C19orf81: variants seen among roughly 807,000 people sequenced by gnomAD.
C19orf81 encodes the protein chromosome 19 open reading frame 81.
In C19orf81, 19 loss-of-function variants were observed where a neutral mutation model predicts 22.1. That is an observed-to-expected ratio of 0.86 (90% confidence interval 0.60 to 1.26). The LOEUF (loss-of-function observed/expected upper bound fraction) is 1.26. Ranked by LOEUF, C19orf81 falls within the 50% of genes most tolerant of loss-of-function variation. The pLI is 0.00. For missense variants in C19orf81, 287 were observed against 280.7 expected, an observed-to-expected ratio of 1.02 and a Z score of -0.16; for synonymous variants, 108 against 113.1, an observed-to-expected ratio of 0.95 and a Z score of 0.29.
At chr19:50,652,124 T>TA (rs1269754576) in intron 1 of C19orf81, among the ~76,000 whole-genome samples, 2 of 152,184 alleles carry the variant, frequency 1.3e-5, no homozygotes, top group Non-Finnish European at 2.9e-5. Flanking sequence ...GCCGGGATGA[T>TA]AGGTGTGAAC....
chr19:50,658,427 G>A, intron 4 of C19orf81: 1 of 363,734 alleles, frequency 2.7e-6, no homozygotes, highest in Non-Finnish European at 5.0e-6. Context: ...CGAGATTGGT[G>A]CAGAGCCACT....
In C19orf81 at chr19:50,649,474, C is replaced by G; in HGVS notation, c.30C>G (p.Phe10Leu). 6.5e-7 allele frequency: 1 copy of G among 1,536,270 alleles called. No homozygotes were observed. Among genetic ancestry groups the G allele is most frequent in the Non-Finnish European group, 8.7e-7 (1 of 1,146,876 alleles). ...AGCCAGAGGTGGAGCCCGTGTGCTTCCCTGCCATGGGCAGCCCCACCATGC... is the reference window on the plus strand; with the variant it reads ...AGCCAGAGGTGGAGCCCGTGTGCTTGCCTGCCATGGGCAGCCCCACCATGC... MQPEVEPVC[F>L]PAMGSPTMHR... The change falls in exon 1 of 5, where the codon TTC becomes TTG. Residue 10 changes from phenylalanine to leucine, a missense_variant. Coordinates refer to ENST00000425202, the MANE Select transcript of C19orf81 (RefSeq NM_001195076.2).
At chr19:50,658,228 G>A (rs1446605400) in intron 4 of C19orf81, 100 bp downstream of exon 4, 2 of 1,251,594 alleles carry the variant, frequency 1.6e-6, no homozygotes, top group Non-Finnish European at 2.2e-6. Flanking sequence ...TGAGGGACGT[G>A]GCCAAGAGTG....
chr19:50,650,777 G>A (rs138710396), intron 1 of C19orf81, among the ~76,000 whole-genome samples: 61 of 152,340 alleles, frequency 4.0e-4, no homozygotes, highest in African/African-American at 1.4e-3. Context: ...CTTCGAGGCC[G>A]AACAAATGCC....
At position 50,652,655 on chromosome 19, in the gene C19orf81, G is replaced by A. The variant is rs1171846892; in HGVS notation, c.67+3144G>A. On this transcript the variant is annotated intron_variant, in intron 1 of 4. Coordinates refer to ENST00000425202, the MANE Select transcript of C19orf81 (RefSeq NM_001195076.2). Reference sequence around the variant, plus strand: ...TGATCAGGTTTAAGACACTAGCACGGTCTGATCACGTGTGGTCTTATGGTC... The same window carrying A: ...TGATCAGGTTTAAGACACTAGCACGATCTGATCACGTGTGGTCTTATGGTC... Among the ~76,000 whole-genome samples, 3 of 152,298 alleles carry A rather than the reference G, an allele frequency of 2.0e-5. No individual in the cohort carries two copies. In the South Asian group the frequency reaches 6.2e-4, roughly 32 times the overall value.
chr19:50,653,682 G>GCACACACACA lies in C19orf81; in HGVS notation c.68-2318_68-2309dup, dbSNP rs57915687. 6.8e-4 allele frequency among the ~76,000 whole-genome samples: 83 copies of GCACACACACA among 121,924 alleles called. 1 individual carries two copies. Among genetic ancestry groups the GCACACACACA allele is most frequent in the East Asian group, 1.1e-3 (4 of 3,760 alleles). The allele number at this position is 121,924 out of a possible 152,430, so 80.0% of individuals were successfully genotyped here. A position where few individuals can be genotyped will look rare whatever the true frequency, so the allele number is the denominator to read the frequency against. On this transcript the variant is annotated intron_variant, in intron 1 of 4. Coordinates refer to ENST00000425202, the MANE Select transcript of C19orf81 (RefSeq NM_001195076.2). ...TGTTGACTTATTGTAATGAGAGACA[G>GCACACACACA]CACACACACACACACACACACACAC...
At chr19:50,653,681 AGCACAC>A (rs1984926549) in intron 1 of C19orf81, among the ~76,000 whole-genome samples, 1 of 120,646 alleles carries the variant, frequency 8.3e-6, no homozygotes, top group Admixed American at 1.0e-4. Context: ...AATGAGAGAC[AGCACAC>A]ACACACACAC....
intron 1 of C19orf81, among the ~76,000 whole-genome samples, chr19:50,653,741 C>G (rs1263507302): frequency 7.2e-6 from 1 of 138,964 alleles, no homozygotes; most frequent in Non-Finnish European, 1.5e-5. Context: ...CACACACACA[C>G]GTTGTCTCAG....
At chr19:50,649,724 C>T in intron 1 of C19orf81, 1 of 672,240 alleles carries the variant, frequency 1.5e-6, no homozygotes, top group Non-Finnish European at 2.7e-6. Flanking sequence ...TTGGCCAATG[C>T]CCTGGACTCA....
chr19:50,655,388 T>C (rs1298064809), intron 1 of C19orf81, among the ~76,000 whole-genome samples: 2 of 152,106 alleles, frequency 1.3e-5, no homozygotes, highest in Admixed American at 6.6e-5. Context: ...TAGTGGCTTA[T>C]GCCTGTAATC....
Position 50,659,065 on chromosome 19 carries a change from C to G in C19orf81, c.520C>G (p.Arg174Gly), listed in dbSNP as rs752910483. The G allele has an allele frequency of 1.7e-5, 26 of 1,527,318 alleles. No homozygotes were observed. The African/African-American group carries it at 3.2e-4, about 19-fold the overall frequency. 94.6% of individuals were successfully genotyped at this position (1,527,318 alleles called of 1,614,324 possible). A position where few individuals can be genotyped will look rare whatever the true frequency, so the allele number is the denominator to read the frequency against. The change falls in exon 5 of 5, where the codon CGC (arginine) becomes GGC (glycine). Residue 174 changes from arginine to glycine, a missense_variant. Physicochemically the swap from Arg to Gly is moderately radical, Grantham distance 125. Transcript: ENST00000425202. ...RHDDLLLGDY[R>G]LHLRRSLVRR... is the part of the protein sequence containing the mutation. ...CGACGACCTCCTGCTGGGCGACTAC[C>G]GCCTGCACCTGCGCCGCTCCCTGGT...
chr19:50,658,966 G>A lies in C19orf81; in HGVS notation c.421G>A (p.Asp141Asn). The A allele has an allele frequency of 6.7e-7, 1 of 1,499,122 alleles. No individual in the cohort carries two copies. The allele number at this position is 1,499,122 out of a possible 1,614,324, so 92.9% of individuals were successfully genotyped here. A position where few individuals can be genotyped will look rare whatever the true frequency, so the allele number is the denominator to read the frequency against. ...RRNRWLIAVT[D>N]FQTRSRLLRS... ...TTACAGGTGGCTCATCGCGGTCACG[G>A]ACTTCCAGACGCGCTCGCGCTTGCT... Residue 141 changes from aspartate to asparagine, a missense_variant, in exon 5 of 5, where the codon GAC becomes AAC. Asp to Asn is a conservative substitution (Grantham distance 23). Transcript: ENST00000425202.
rs574135688 is a variant in C19orf81, at chr19:50,659,146, C to T, written c.*4C>T. On this transcript the variant is annotated 3_prime_UTR_variant, in exon 5 of 5. Transcript: ENST00000425202. ...GGAGCCGAACGAGGAGGCCTGACGC[C>T]CGGGCGGGCCCCGGCAGCGCTTGCG... The T allele has an allele frequency of 8.0e-5, 106 of 1,326,600 alleles. No individual in the cohort carries two copies. The East Asian group carries it at 2.9e-3, about 36-fold the overall frequency. 82.2% of individuals were successfully genotyped at this position (1,326,600 alleles called of 1,614,324 possible). A position where few individuals can be genotyped will look rare whatever the true frequency, so the allele number is the denominator to read the frequency against.
chr19:50,657,868 C>T, intron 3 of C19orf81, 121 bp from the exon 4 acceptor site: 1 of 1,302,094 alleles, frequency 7.7e-7, no homozygotes, highest in Non-Finnish European at 1.0e-6. Context: ...GCGATCCTTG[C>T]CCCTCAAATG....
rs185628472 is a variant in C19orf81 at position 50,656,095 on chromosome 19, G to C, written c.113G>C (p.Arg38Pro). 6.5e-7 allele frequency: 1 copy of C among 1,535,978 alleles called. No individual in the cohort carries two copies. Among genetic ancestry groups the C allele is most frequent in the African/African-American group, 1.4e-5 (1 of 73,018 alleles). Reference protein sequence around the residue: ...DLETPEEMQARSLGRPIKSSK... With the variant: ...DLETPEEMQAPSLGRPIKSSK... ...GAGACCCCAGAGGAGATGCAGGCTCGGAGCCTGGGCAGGCCCATCAAATCC... is the reference window on the plus strand; with the variant it reads ...GAGACCCCAGAGGAGATGCAGGCTCCGAGCCTGGGCAGGCCCATCAAATCC... Residue 38 changes from arginine (R) to proline (P), a missense_variant, in exon 2 of 5, where the codon CGG (arginine) becomes CCG (proline). By Grantham distance (103) the Arg-to-Pro change is moderately radical. Transcript: ENST00000425202.
At chr19:50,655,788 C>T (rs1391991636) in intron 1 of C19orf81, among the ~76,000 whole-genome samples, 1 of 152,208 alleles carries the variant, frequency 6.6e-6, no homozygotes, top group Non-Finnish European at 1.5e-5. Context: ...TCCTGCCTTG[C>T]AGGCTCCCAC....
intron 1 of C19orf81, chr19:50,649,716 G>C (rs1311940744): frequency 2.9e-6 from 2 of 687,200 alleles, no homozygotes; most frequent in African/African-American, 3.5e-5. Context: ...GCAGTTCCTT[G>C]GCCAATGCCC....
At chr19:50,651,192 T>G (rs1984871716) in intron 1 of C19orf81, among the ~76,000 whole-genome samples, 1 of 152,194 alleles carries the variant, frequency 6.6e-6, no homozygotes, top group Non-Finnish European at 1.5e-5. Flanking sequence ...AGATCATTCA[T>G]AGCCTCCAAT....
intron 1 of C19orf81, among the ~76,000 whole-genome samples, chr19:50,655,440 T>C (rs117936327): frequency 0.041 from 6,273 of 152,010 alleles, 223 homozygotes; most frequent in African/African-American, 0.093. Flanking sequence ...CACAAGGTCA[T>C]GAGATTGAGA....
Sources: allele counts gnomAD v4.1 joint callset (sites outside exome capture counted in the v4.1 genomes callset), GRCh38; gene constraint gnomAD v4.1.1; transcripts MANE v1.5; gene names NCBI Gene and HGNC (gene_info 2026-07-23, HGNC 2026-07-21).